DOCK9: variants seen among roughly 807,000 people sequenced by gnomAD.
DOCK9 encodes the protein dedicator of cytokinesis 9, also known as dedicator of cytokinesis protein 9.
Under a neutral mutation model 263.3 loss-of-function variants are expected in DOCK9, and 89 were observed. The ratio of observed to expected loss-of-function variants is 0.34; its 90% CI spans 0.28 to 0.40. The LOEUF (loss-of-function observed/expected upper bound fraction) is 0.40, where lower values mean the gene tolerates loss of function less well. Ranked by LOEUF, DOCK9 falls within the 10% of genes least tolerant of loss-of-function variation. The probability of loss-of-function intolerance (pLI) is 1.00; values close to 1 mark genes in which losing one functional copy is unlikely to be tolerated. For synonymous variants in DOCK9, 976 were observed against 973.1 expected (o/e 1.00, Z -0.06); for missense variants, 2,140 against 2,603.4 (o/e 0.82, Z 3.87).
intron 1 of DOCK9, among the ~76,000 whole-genome samples, chr13:98,992,659 T>G (rs995079055): frequency 2.0e-5 from 3 of 152,200 alleles, no homozygotes; most frequent in Non-Finnish European, 4.4e-5. Context: ...TGCCGCCACA[T>G]AAGATGTGCC....
intron 27 of DOCK9, among the ~76,000 whole-genome samples, chr13:98,877,928 G>A (rs866618769): frequency 1.3e-5 from 2 of 152,288 alleles, no homozygotes; most frequent in South Asian, 4.1e-4. Flanking sequence ...AAATCCACTG[G>A]CGCCTCGTCA....
At chr13:98,945,218 A>G (rs956992674) in intron 2 of DOCK9, among the ~76,000 whole-genome samples, 3 of 152,214 alleles carry the variant, frequency 2.0e-5, no homozygotes, top group Non-Finnish European at 2.9e-5. Context: ...TTTCAATTTG[A>G]TATTATATCT....
At chr13:98,885,898 A>T in intron 19 of DOCK9, 67 bp from the exon 20 acceptor site, 5 of 1,506,612 alleles carry the variant, frequency 3.3e-6, no homozygotes, top group Non-Finnish European at 3.6e-6. Flanking sequence ...GGAAGCAGAG[A>T]CAGTATGTGT....
At chr13:99,027,817 T>G (rs1407455059) in intron 1 of DOCK9, among the ~76,000 whole-genome samples, 1 of 152,146 alleles carries the variant, frequency 6.6e-6, no homozygotes, top group Non-Finnish European at 1.5e-5. Context: ...GAAAAACCAC[T>G]GAATGTGCCA....
intron 35 of DOCK9, among the ~76,000 whole-genome samples, chr13:98,851,692 C>A (rs1339118126): frequency 6.6e-6 from 1 of 152,232 alleles, no homozygotes. Context: ...CAGAGTTACA[C>A]AACTGATTTT....
Position 98,886,438 on chromosome 13 carries a change from G to A in DOCK9, c.2136+94C>T. ...TAGCTCTGTAATTTCAGTGTAATAT[G>A]CAGCTTCTCTTGAATTTTCCTTTAC... On this transcript the variant is annotated intron_variant, in intron 19 of 52. Coordinates refer to ENST00000682017, the MANE Select transcript of DOCK9 (RefSeq NM_001366683.2). 3 of 909,990 alleles carry A rather than the reference G, an allele frequency of 3.3e-6. No individual in the cohort carries two copies. The South Asian group carries it at 4.9e-5, about 15-fold the overall frequency. 56.4% of individuals were successfully genotyped at this position (909,990 alleles called of 1,614,324 possible). A position where few individuals can be genotyped will look rare whatever the true frequency, so the allele number is the denominator to read the frequency against.
In DOCK9 at chr13:98,846,614, C is replaced by T; in HGVS notation, c.4062-554G>A. 3.2e-6 allele frequency: 4 copies of T among 1,265,166 alleles called. No homozygotes were observed. In the Admixed American group the frequency reaches 5.7e-5, roughly 18 times the overall value. 78.4% of individuals were successfully genotyped at this position (1,265,166 alleles called of 1,614,324 possible). ...GTGATTTGGGTTAGCAATCAAACAG[C>T]TAACTTCCTGCTGTGTACCATCACC... On this transcript the variant is annotated intron_variant, in intron 37 of 52. Coordinates refer to ENST00000682017, the MANE Select transcript of DOCK9 (RefSeq NM_001366683.2).
intron 1 of DOCK9, among the ~76,000 whole-genome samples, chr13:99,044,614 A>T (rs1888781883): frequency 6.6e-6 from 1 of 152,226 alleles, no homozygotes; most frequent in Admixed American, 6.5e-5. Context: ...ACACTTTAAA[A>T]ATGTGCAAAT....
At chr13:98,806,346 T>C (rs576173184) in intron 48 of DOCK9, among the ~76,000 whole-genome samples, 3 of 152,380 alleles carry the variant, frequency 2.0e-5, no homozygotes, top group African/African-American at 7.2e-5. Flanking sequence ...GAATTAAACA[T>C]AGGCAATTCC....
At chr13:98,904,075 T>C (rs9513507) in intron 10 of DOCK9, among the ~76,000 whole-genome samples, 86,661 of 152,064 alleles carry the variant, frequency 0.57, 24,982 homozygotes, top group Middle Eastern at 0.61. Flanking sequence ...TGAGAATGTA[T>C]TTAATGCCAC....
chr13:99,002,686 G>A (rs1882593440), intron 1 of DOCK9, among the ~76,000 whole-genome samples: 1 of 152,062 alleles, frequency 6.6e-6, no homozygotes, highest in African/African-American at 2.4e-5. Flanking sequence ...ACTGTCGTGG[G>A]GTTTGCTCAT....
chr13:99,055,971 C>CTAAG (rs966189173), intron 1 of DOCK9, among the ~76,000 whole-genome samples: 1 of 152,134 alleles, frequency 6.6e-6, no homozygotes, highest in African/African-American at 2.4e-5. Context: ...ATCAGCTGCA[C>CTAAG]TAAGCATCAC....
At chr13:98,862,890 T>C in intron 32 of DOCK9, 129 bp downstream of exon 32, 1 of 739,532 alleles carries the variant, frequency 1.4e-6, no homozygotes, top group African/African-American at 1.8e-5. Flanking sequence ...CACCTTGATT[T>C]TGGACTTCTG....
At chr13:98,977,182 G>T (rs900860420) in intron 1 of DOCK9, among the ~76,000 whole-genome samples, 1 of 152,142 alleles carries the variant, frequency 6.6e-6, no homozygotes, top group Non-Finnish European at 1.5e-5. Context: ...AAAGCACTTG[G>T]CTTTAGACAA....
Position 98,864,408 on chromosome 13 carries a change from G to A in DOCK9, c.3287-860C>T, listed in dbSNP as rs1317858397. Among the ~76,000 whole-genome samples, 8 of 152,176 alleles carry A rather than the reference G, an allele frequency of 5.3e-5. No individual in the cohort carries two copies. The East Asian group carries it at 1.5e-3, about 29-fold the overall frequency. On this transcript the variant is annotated intron_variant, in intron 30 of 52. Transcript: ENST00000682017. ...AAGCTAGGTTGTGAATTGTCAGACTGACTCCATTATTAAAGGAAAGTCTAT... is the reference window on the plus strand; with the variant it reads ...AAGCTAGGTTGTGAATTGTCAGACTAACTCCATTATTAAAGGAAAGTCTAT...
chr13:98,888,699 C>T lies in DOCK9; in HGVS notation c.1722G>A (p.Met574Ile). The change falls in exon 16 of 53, where the codon ATG becomes ATA. Residue 574 changes from methionine to isoleucine, a missense_variant. By Grantham distance (10) the Met-to-Ile change is conservative. Around this residue, in one of 2 missense-constraint regions of DOCK9, gnomAD observed 1,521 missense variants for 1,741.7 expected, o/e 0.87. Transcript: ENST00000682017. ...TGCCTAAAATCACTGGGAGCTTAGC[C>T]ATCTTCTCAGGTCTGCAAACAAAAG... Reference protein sequence around the residue: ...LLADFRKPEKMAKLPVILGNL... With the variant: ...LLADFRKPEKIAKLPVILGNL... 3.1e-6 allele frequency: 5 copies of T among 1,613,370 alleles called. No individual in the cohort carries two copies. The highest frequency in any genetic ancestry group is 4.2e-6 in the Non-Finnish European group (5 of 1,179,532).
intron 1 of DOCK9, among the ~76,000 whole-genome samples, chr13:99,019,516 A>G (rs1566309698): frequency 1.3e-5 from 2 of 152,120 alleles, no homozygotes; most frequent in African/African-American, 4.8e-5. Flanking sequence ...TGACACCAAC[A>G]GTAAATTCAA....
chr13:98,963,838 G>A (rs1275310821), intron 1 of DOCK9, among the ~76,000 whole-genome samples: 2 of 152,234 alleles, frequency 1.3e-5, no homozygotes, highest in Non-Finnish European at 2.9e-5. Context: ...AGGGGCTTCT[G>A]AAGCCACGTG....
chr13:99,060,692 G>C (rs754013302), intron 1 of DOCK9, among the ~76,000 whole-genome samples: 4 of 152,120 alleles, frequency 2.6e-5, no homozygotes, highest in Non-Finnish European at 5.9e-5. Context: ...GTCTAGAGCA[G>C]GTACCTTTCT....
Sources: gnomAD v4.1 joint callset for allele counts (sites outside exome capture counted in the v4.1 genomes callset) on GRCh38, gnomAD v4.1.1 for gene constraint, gnomAD v4.1.1 regional missense constraint, MANE v1.5 for transcripts, NCBI Gene and HGNC (gene_info 2026-07-23, HGNC 2026-07-21) for gene names.